The following DPYD variants were observed in gnomAD, a reference collection of about 807,000 sequenced individuals.
DPYD encodes the protein dihydropyrimidine dehydrogenase.
In DPYD, 109 loss-of-function variants were observed where a neutral mutation model predicts 116.2. That is an observed-to-expected ratio of 0.94 (90% CI 0.80 to 1.10). DPYD has a LOEUF of 1.10. Among genes scored for constraint, DPYD ranks in the 50% least tolerant of loss-of-function variants. The probability of loss-of-function intolerance (pLI) is 0.00; values close to 1 mark genes in which losing one functional copy is unlikely to be tolerated. For synonymous variants in DPYD, 440 were observed against 432.0 expected (o/e 1.02, Z -0.23); for missense variants, 1,302 against 1,254.5 (o/e 1.04, Z -0.57).
At chr1:97,720,532 T>A (rs1382015395) in intron 5 of DPYD, 1 of 1,020,934 alleles carries the variant, frequency 9.8e-7, no homozygotes, top group Non-Finnish European at 1.2e-6. Flanking sequence ...TATTTTCTTA[T>A]TCCCAGGAGC....
At chr1:97,419,378 G>T (rs192994389) in intron 14 of DPYD, among the ~76,000 whole-genome samples, 74 of 152,208 alleles carry the variant, frequency 4.9e-4, no homozygotes, top group African/African-American at 1.8e-3. Context: ...GTCTGCTGTA[G>T]TTCCGGTTAT....
rs191318593 is a variant in DPYD, at chr1:97,349,340, T to C, written c.2058+24221A>G. 3.3e-5 allele frequency among the ~76,000 whole-genome samples: 5 copies of C among 151,824 alleles called. No homozygotes were observed. The East Asian group carries it at 9.7e-4, about 29-fold the overall frequency. On this transcript the variant is annotated intron_variant, in intron 16 of 22. Coordinates refer to ENST00000370192, the MANE Select transcript of DPYD (RefSeq NM_000110.4). ...CTTTTTTTTTTTTGGAGTTATTTCT[T>C]TTTATTAATTTTATTATTATTATAT...
chr1:97,826,048 G>C (rs1669227516), intron 3 of DPYD, among the ~76,000 whole-genome samples: 1 of 152,164 alleles, frequency 6.6e-6, no homozygotes. Context: ...GTGTGTGTAA[G>C]TAAAATGTAT....
chr1:97,717,632 G>T (rs1662686597), intron 5 of DPYD, among the ~76,000 whole-genome samples: 1 of 151,910 alleles, frequency 6.6e-6, no homozygotes, highest in Admixed American at 6.6e-5. Context: ...AAAGTCTATT[G>T]TATCATTCTT....
At chr1:97,810,332 G>GC (rs1553244563) in intron 3 of DPYD, among the ~76,000 whole-genome samples, 1 of 150,764 alleles carries the variant, frequency 6.6e-6, no homozygotes, top group Non-Finnish European at 1.5e-5. Flanking sequence ...AATAAAAAGG[G>GC]CACTTACCCA....
intron 8 of DPYD, among the ~76,000 whole-genome samples, chr1:97,621,399 G>C (rs778225110): frequency 1.9e-4 from 29 of 152,002 alleles, no homozygotes; most frequent in Non-Finnish European, 2.4e-4. Flanking sequence ...ACGTGGTGAT[G>C]AATTAGAGTG....
chr1:97,746,038 C>A (rs1664532128), intron 3 of DPYD, among the ~76,000 whole-genome samples: 1 of 152,068 alleles, frequency 6.6e-6, no homozygotes, highest in African/African-American at 2.4e-5. Flanking sequence ...TGACTGTCTC[C>A]TCAAGAGGCT....
At chr1:97,791,025 G>A (rs1667294039) in intron 3 of DPYD, among the ~76,000 whole-genome samples, 1 of 152,006 alleles carries the variant, frequency 6.6e-6, no homozygotes, top group Non-Finnish European at 1.5e-5. Flanking sequence ...AAAGGCAGTT[G>A]GTTCATCCAA....
chr1:97,792,452 G>A (rs570786910), intron 3 of DPYD, among the ~76,000 whole-genome samples: 4 of 152,026 alleles, frequency 2.6e-5, no homozygotes, highest in Non-Finnish European at 4.4e-5. Flanking sequence ...GTTTCACCAT[G>A]TTGGTCAGGC....
At chr1:97,484,263 C>G (rs1238592293) in intron 13 of DPYD, among the ~76,000 whole-genome samples, 1 of 152,144 alleles carries the variant, frequency 6.6e-6, no homozygotes, top group Non-Finnish European at 1.5e-5. Context: ...GAGATAGCAC[C>G]ACTGCATTCC....
chr1:97,882,399 G>C (rs959954611), intron 2 of DPYD, among the ~76,000 whole-genome samples: 3 of 151,800 alleles, frequency 2.0e-5, no homozygotes, highest in African/African-American at 7.3e-5. Flanking sequence ...CATCCTCAAA[G>C]AGTTCATAAT....
At chr1:97,724,032 C>CA (rs1276008263) in intron 4 of DPYD, among the ~76,000 whole-genome samples, 7 of 151,374 alleles carry the variant, frequency 4.6e-5, no homozygotes, top group Admixed American at 6.6e-5. Flanking sequence ...GAATAAAAGA[C>CA]AAAAAATCAC....
At chr1:97,286,438 C>G (rs558340693) in intron 18 of DPYD, among the ~76,000 whole-genome samples, 8 of 152,212 alleles carry the variant, frequency 5.3e-5, no homozygotes, top group Admixed American at 3.3e-4. Flanking sequence ...GTGGCGTTCT[C>G]TGTATTTCCT....
At chr1:97,513,693 C>T (rs1260015277) in intron 13 of DPYD, among the ~76,000 whole-genome samples, 1 of 151,654 alleles carries the variant, frequency 6.6e-6, no homozygotes, top group African/African-American at 2.4e-5. Context: ...TAGTAAAAGG[C>T]TGTGGGGAAA....
At chr1:97,297,739 T>C (rs1371768355) in intron 18 of DPYD, among the ~76,000 whole-genome samples, 1 of 152,200 alleles carries the variant, frequency 6.6e-6, no homozygotes, top group African/African-American at 2.4e-5. Context: ...TAAATTTGCA[T>C]GTAAGCACTG....
intron 10 of DPYD, among the ~76,000 whole-genome samples, chr1:97,588,849 A>G (rs1189205705): frequency 6.6e-6 from 1 of 152,116 alleles, no homozygotes; most frequent in Non-Finnish European, 1.5e-5. Context: ...ATTTCATCAA[A>G]CCTATATCCT....
intron 5 of DPYD, among the ~76,000 whole-genome samples, chr1:97,704,672 T>C (rs999119876): frequency 6.6e-6 from 1 of 152,022 alleles, no homozygotes; most frequent in African/African-American, 2.4e-5. Flanking sequence ...AGATTTTTTC[T>C]TAGAATATAG....
chr1:97,213,780 A>G (rs74104314), intron 19 of DPYD, among the ~76,000 whole-genome samples: 343 of 152,206 alleles, frequency 2.3e-3, no homozygotes, highest in African/African-American at 8.0e-3. Flanking sequence ...TCTTTATCCC[A>G]TTTATTTGTT....
intron 20 of DPYD, among the ~76,000 whole-genome samples, chr1:97,163,169 G>T (rs1172368848): frequency 6.6e-6 from 1 of 152,014 alleles, no homozygotes; most frequent in Admixed American, 6.6e-5. Flanking sequence ...CACAGCAAAA[G>T]AAACTACCAT....
Sources: allele counts gnomAD v4.1 joint callset (sites outside exome capture counted in the v4.1 genomes callset), GRCh38; gene constraint gnomAD v4.1.1; transcripts MANE v1.5; gene names NCBI Gene and HGNC (gene_info 2026-07-23, HGNC 2026-07-21).